The following NOX4 variants were observed in gnomAD, a reference collection of about 807,000 sequenced individuals.
The protein encoded by NOX4 is NADPH oxidase 4, also known as kidney oxidase-1.
Under a neutral mutation model 87.6 loss-of-function variants are expected in NOX4, and 69 were observed. The ratio of observed to expected loss-of-function variants is 0.79; its 90% CI spans 0.65 to 0.96. The LOEUF (loss-of-function observed/expected upper bound fraction) is 0.96. NOX4 is among the 40% of genes least tolerant of loss of function. The pLI, the probability that NOX4 is intolerant of heterozygous loss-of-function variation, is 0.00. For missense variants in NOX4, 680 were observed against 681.5 expected, an observed-to-expected ratio of 1.00 and a Z score of 0.02; for synonymous variants, 275 against 238.2, an observed-to-expected ratio of 1.15 and a Z score of -1.42.
intron 6 of NOX4, among the ~76,000 whole-genome samples, chr11:89,438,851 TAA>T (rs1944287271): frequency 4.4e-5 from 2 of 45,954 alleles, no homozygotes; most frequent in Non-Finnish European, 6.1e-5. Flanking sequence ...ATATATTATA[TAA>T]TATATTATAT....
intron 8 of NOX4, among the ~76,000 whole-genome samples, chr11:89,403,984 G>C (rs1259227218): frequency 6.6e-6 from 1 of 151,882 alleles, no homozygotes; most frequent in African/African-American, 2.4e-5. Flanking sequence ...AGTCATTAGG[G>C]AGCATTCAGT....
chr11:89,392,604 C>G (rs969883031), intron 11 of NOX4, among the ~76,000 whole-genome samples: 4 of 152,098 alleles, frequency 2.6e-5, no homozygotes, highest in African/African-American at 9.7e-5. Flanking sequence ...TGAGGCTATC[C>G]TCATGTCATT....
the NOX4 span, among the ~76,000 whole-genome samples, chr11:89,576,711 C>T: frequency 1.3e-5 from 2 of 152,044 alleles, no homozygotes; most frequent in East Asian, 3.9e-4. Context: ...ATAGGACATT[C>T]CTTCAATCTT....
intron 11 of NOX4, among the ~76,000 whole-genome samples, chr11:89,387,733 G>C (rs956835051): frequency 2.6e-5 from 4 of 152,166 alleles, no homozygotes; most frequent in African/African-American, 9.7e-5. Context: ...GCTACATTTT[G>C]TAGGAAGCAC....
At chr11:89,498,224 A>G (rs1946979774), upstream of NOX4, 1 of 152,204 alleles carries the variant, frequency 6.6e-6, no homozygotes, top group African/African-American at 2.4e-5. Flanking sequence ...TGTTTAATGT[A>G]TTTTAATAAC....
At chr11:89,476,745 A>T (rs1243541835) in intron 2 of NOX4, among the ~76,000 whole-genome samples, 1 of 152,198 alleles carries the variant, frequency 6.6e-6, no homozygotes, top group Non-Finnish European at 1.5e-5. Context: ...AAGAATGGAT[A>T]TATAAAAAGT....
chr11:89,402,877 C>T (rs1274057384), intron 8 of NOX4, among the ~76,000 whole-genome samples: 2 of 152,128 alleles, frequency 1.3e-5, no homozygotes, highest in African/African-American at 4.8e-5. Flanking sequence ...CAATCACATA[C>T]AAGTTTTCAC....
chr11:89,379,819 C>T (rs1591066486), intron 11 of NOX4, among the ~76,000 whole-genome samples: 2 of 152,168 alleles, frequency 1.3e-5, no homozygotes, highest in East Asian at 3.9e-4. Context: ...TCACCATTTC[C>T]ACTATCACCA....
the NOX4 span, among the ~76,000 whole-genome samples, chr11:89,569,292 A>T: frequency 6.6e-6 from 1 of 152,162 alleles, no homozygotes; most frequent in South Asian, 2.1e-4. Flanking sequence ...GAAAGAAAAA[A>T]TATTTGCAAA....
chr11:89,537,327 G>A, the NOX4 span, among the ~76,000 whole-genome samples: 2 of 151,652 alleles, frequency 1.3e-5, no homozygotes, highest in South Asian at 4.2e-4. Flanking sequence ...ATAATAAGGT[G>A]TTTTAATTTA....
At chr11:89,443,348 G>A (rs546724247) in intron 5 of NOX4, 1 of 152,086 alleles carries the variant, frequency 6.6e-6, no homozygotes, top group Admixed American at 6.6e-5. Flanking sequence ...GGGGAAGGTG[G>A]GGAAAAAAGT....
intron 12 of NOX4, among the ~76,000 whole-genome samples, chr11:89,371,007 T>A (rs1397993952): frequency 6.6e-6 from 1 of 152,032 alleles, no homozygotes; most frequent in East Asian, 1.9e-4. Flanking sequence ...TTTAAAAAAA[T>A]AAACCTTTGA....
the NOX4 span, among the ~76,000 whole-genome samples, chr11:89,535,373 C>A: frequency 6.6e-6 from 1 of 152,366 alleles, no homozygotes; most frequent in Non-Finnish European, 1.5e-5. Context: ...TCAAGAGACA[C>A]GTAAACGTGT....
the NOX4 span, among the ~76,000 whole-genome samples, chr11:89,519,427 TA>T: frequency 6.6e-6 from 1 of 152,004 alleles, no homozygotes; most frequent in South Asian, 2.1e-4. Context: ...AAAATGCAGG[TA>T]AATGAGGTAC....
At chr11:89,504,303 G>A in the NOX4 span, among the ~76,000 whole-genome samples, 36 of 151,912 alleles carry the variant, frequency 2.4e-4, no homozygotes, top group Non-Finnish European at 4.0e-4. Flanking sequence ...GACAGACAGC[G>A]TCACTTCACT....
At chr11:89,392,866 G>A (rs1941223715) in intron 11 of NOX4, among the ~76,000 whole-genome samples, 1 of 152,102 alleles carries the variant, frequency 6.6e-6, no homozygotes, top group Non-Finnish European at 1.5e-5. Flanking sequence ...GTTTTTAGAT[G>A]ATGATGTTTA....
chr11:89,440,891 A>T (rs1309790002), intron 5 of NOX4, among the ~76,000 whole-genome samples, 176 bp from the exon 6 acceptor site: 2 of 152,142 alleles, frequency 1.3e-5, no homozygotes, highest in South Asian at 2.1e-4. Flanking sequence ...GCTAGAGGAG[A>T]TTACAACAAG....
intron 6 of NOX4, among the ~76,000 whole-genome samples, chr11:89,439,644 T>C (rs888464216): frequency 2.0e-5 from 3 of 152,156 alleles, no homozygotes; most frequent in Non-Finnish European, 4.4e-5. Flanking sequence ...TATGCAATCA[T>C]CCTTGTCCCT....
At chr11:89,384,903 C>T (rs954913881) in intron 11 of NOX4, among the ~76,000 whole-genome samples, 3 of 152,166 alleles carry the variant, frequency 2.0e-5, no homozygotes, top group Non-Finnish European at 4.4e-5. Flanking sequence ...CTGACATTCA[C>T]TCCATTTCCC....
Sources: allele counts gnomAD v4.1 joint callset (sites outside exome capture counted in the v4.1 genomes callset), GRCh38; gene constraint gnomAD v4.1.1; transcripts MANE v1.5; gene names NCBI Gene and HGNC (gene_info 2026-07-23, HGNC 2026-07-21).